The following DYNC1LI1 variants were observed in gnomAD, a reference collection of about 807,000 sequenced individuals.
DYNC1LI1 encodes dynein cytoplasmic 1 light intermediate chain 1.
Under a neutral mutation model 63.8 loss-of-function variants are expected in DYNC1LI1, and 19 were observed. The ratio of observed to expected loss-of-function variants is 0.30; its 90% CI spans 0.21 to 0.44. DYNC1LI1 has a LOEUF of 0.44. DYNC1LI1 is among the 20% of genes least tolerant of loss of function. The probability of loss-of-function intolerance (pLI) is 1.00; values close to 1 mark genes in which losing one functional copy is unlikely to be tolerated. For missense variants in DYNC1LI1, 565 were observed against 630.2 expected (o/e 0.90, Z 1.11); for synonymous variants, 225 against 232.3 (o/e 0.97, Z 0.28).
chr3:32,551,771 C>A (rs1328132537), intron 2 of DYNC1LI1, among the ~76,000 whole-genome samples: 3 of 152,182 alleles, frequency 2.0e-5, no homozygotes, highest in African/African-American at 7.2e-5. Flanking sequence ...GAAACACCAT[C>A]CTCTTTACCA....
intron 2 of DYNC1LI1, among the ~76,000 whole-genome samples, chr3:32,549,731 C>CACT (rs1216790820): frequency 1.3e-5 from 2 of 152,054 alleles, no homozygotes; most frequent in Non-Finnish European, 2.9e-5. Flanking sequence ...AATGAAAAGA[C>CACT]ACTACCTTGA....
chr3:32,545,797 G>T lies in DYNC1LI1; in HGVS notation c.337+52C>A, dbSNP rs964413445. ...AAAAAATCAAAGACTAATGTGAATG[G>T]CAGTGCACCTCAAAATAGACTTCAG... On this transcript the variant is annotated intron_variant, in intron 3 of 12. Coordinates refer to ENST00000273130, the MANE Select transcript of DYNC1LI1 (RefSeq NM_016141.4). 5.9e-6 allele frequency: 7 copies of T among 1,196,374 alleles called. No homozygotes were observed. The African/African-American group carries it at 7.5e-5, about 13-fold the overall frequency. 74.1% of individuals were successfully genotyped at this position (1,196,374 alleles called of 1,614,324 possible).
At position 32,537,949 on chromosome 3, in the gene DYNC1LI1, ATT is replaced by A. The variant is rs1449753055; in HGVS notation, c.739-847_739-846del. 5.4e-3 allele frequency among the ~76,000 whole-genome samples: 33 copies of A among 6,132 alleles called. 1 individual carries two copies. In the East Asian group the frequency reaches 0.2, roughly 37 times the overall value. 4.0% of individuals were successfully genotyped at this position (6,132 alleles called of 152,430 possible). ...ATAATATATATATAATATATATATA[ATT>A]TATATATATAATATATATATATTTA... On this transcript the variant is annotated intron_variant, in intron 5 of 12. Transcript: ENST00000273130.
At chr3:32,528,144 A>AT (rs1697647324) in intron 12 of DYNC1LI1, among the ~76,000 whole-genome samples, 1 of 134,404 alleles carries the variant, frequency 7.4e-6, no homozygotes, top group Non-Finnish European at 1.6e-5. Flanking sequence ...AAAAAAAAAA[A>AT]GAAATGAAAT....
intron 2 of DYNC1LI1, among the ~76,000 whole-genome samples, chr3:32,568,027 G>A (rs1698292612): frequency 6.6e-6 from 1 of 151,992 alleles, no homozygotes; most frequent in Non-Finnish European, 1.5e-5. Context: ...TTGTAGACAT[G>A]GGGTTTCACC....
At chr3:32,570,000 AT>A in intron 2 of DYNC1LI1, 1 of 407,542 alleles carries the variant, frequency 2.5e-6, no homozygotes, top group Non-Finnish European at 4.5e-6. Context: ...CCTGCTACCA[AT>A]TTTTGTGATG....
At chr3:32,529,481 G>T in intron 11 of DYNC1LI1, 59 bp downstream of exon 11, 1 of 1,496,552 alleles carries the variant, frequency 6.7e-7, no homozygotes, top group Non-Finnish European at 9.1e-7. Flanking sequence ...TGGAATTTTA[G>T]ATAGATTTAT....
chr3:32,536,942 C>T, intron 6 of DYNC1LI1, 69 bp downstream of exon 6: 2 of 853,016 alleles, frequency 2.3e-6, no homozygotes, highest in East Asian at 2.8e-5. Flanking sequence ...CAATTTAATT[C>T]TTTTAACTTT....
intron 2 of DYNC1LI1, 91 bp downstream of exon 2, chr3:32,570,255 C>G: frequency 9.2e-7 from 1 of 1,082,474 alleles, no homozygotes; most frequent in Non-Finnish European, 1.4e-6. Context: ...GCCGGCTGTC[C>G]GCACAAAGAG....
At chr3:32,561,034 CAAACAAAAAAAA>C (rs1698186573) in intron 2 of DYNC1LI1, among the ~76,000 whole-genome samples, 15 of 51,936 alleles carry the variant, frequency 2.9e-4, no homozygotes, top group African/African-American at 1.1e-3. Flanking sequence ...AAAAAAAAAA[CAAACAAAAAAAA>C]CACACACACA....
At chr3:32,544,561 A>G (rs1697926499) in intron 4 of DYNC1LI1, among the ~76,000 whole-genome samples, 1 of 152,122 alleles carries the variant, frequency 6.6e-6, no homozygotes, top group African/African-American at 2.4e-5. Flanking sequence ...TGAGGTCAGG[A>G]GTGCGAGACC....
chr3:32,530,304 T>A lies in DYNC1LI1; in HGVS notation c.1165A>T (p.Thr389Ser). Reference sequence around the variant, plus strand: ...CTGACCACAGGCCTTCCAGCTGCAGTTGGTGGTTGCTTTGCTAAAAGGGAC... The same window carrying A: ...CTGACCACAGGCCTTCCAGCTGCAGATGGTGGTTGCTTTGCTAAAAGGGAC... ...LQSLLAKQPP[T>S]AAGRPVDASP... The change falls in exon 10 of 13, where the codon ACT (threonine) becomes TCT (serine). Residue 389 changes from threonine to serine, a missense_variant. Physicochemically the swap from Thr to Ser is moderately conservative, Grantham distance 58. Transcript: ENST00000273130. 6.2e-7 allele frequency: 1 copy of A among 1,608,926 alleles called. No individual in the cohort carries two copies. The highest frequency in any genetic ancestry group is 8.5e-7 in the Non-Finnish European group (1 of 1,178,858).
chr3:32,528,375 C>A (rs1170688852), intron 12 of DYNC1LI1, 71 bp downstream of exon 12: 2 of 1,546,308 alleles, frequency 1.3e-6, no homozygotes, highest in Non-Finnish European at 1.8e-6. Context: ...ATACACTTTA[C>A]ATGAGTGAAC....
At position 32,541,089 on chromosome 3, in the gene DYNC1LI1, G is replaced by A. The variant is rs369898871; in HGVS notation, c.686C>T (p.Ala229Val). 1.2e-4 allele frequency: 187 copies of A among 1,613,422 alleles called. No homozygotes were observed. The highest frequency in any genetic ancestry group is 8.7e-4 in the East Asian group (39 of 44,834). ...KDDSVVLPLG[A>V]DTLTHNLGIP... is the part of the protein sequence containing the mutation. ...GCCCAAGTTATGTGTAAGTGTATCC[G>A]CACCCAGAGGTAAAACTACACTGTC... Residue 229 changes from alanine to valine, a missense_variant, in exon 5 of 13, where the codon GCG becomes GTG. Transcript: ENST00000273130.
intron 2 of DYNC1LI1, among the ~76,000 whole-genome samples, chr3:32,552,333 T>C (rs1028717560): frequency 1.3e-5 from 2 of 152,158 alleles, no homozygotes; most frequent in African/African-American, 4.8e-5. Context: ...TCTTCATTCA[T>C]TCACTCATTT....
intron 5 of DYNC1LI1, among the ~76,000 whole-genome samples, chr3:32,539,817 G>A (rs147776577): frequency 0.03 from 4,492 of 151,650 alleles, 238 homozygotes; most frequent in African/African-American, 0.1. Flanking sequence ...TTACAGGCGT[G>A]AGCCACCACG....
chr3:32,564,874 A>G (rs1698238423), intron 2 of DYNC1LI1, among the ~76,000 whole-genome samples: 1 of 151,798 alleles, frequency 6.6e-6, no homozygotes, highest in Admixed American at 6.6e-5. Context: ...AAAACCATAC[A>G]CTCCCTTGCC....
intron 2 of DYNC1LI1, among the ~76,000 whole-genome samples, chr3:32,565,574 G>A (rs770352117): frequency 1.3e-5 from 2 of 152,196 alleles, no homozygotes; most frequent in Non-Finnish European, 2.9e-5. Context: ...AGATTCTATA[G>A]ATTAAGAGTA....
At chr3:32,570,187 T>C (rs1485119751) in intron 2 of DYNC1LI1, 159 bp downstream of exon 2, 2 of 729,724 alleles carry the variant, frequency 2.7e-6, no homozygotes, top group Non-Finnish European at 4.9e-6. Context: ...GGGTCTCGTG[T>C]TCCCCTTCTC....
Sources: allele counts gnomAD v4.1 joint callset (sites outside exome capture counted in the v4.1 genomes callset), GRCh38; gene constraint gnomAD v4.1.1; transcripts MANE v1.5; gene names NCBI Gene and HGNC (gene_info 2026-07-23, HGNC 2026-07-21).